GNG2: variants seen among roughly 807,000 people sequenced by gnomAD.
GNG2 encodes the protein guanine nucleotide-binding protein G(I)/G(S)/G(O) subunit gamma-2.
A neutral mutation model predicts 5.5 loss-of-function variants in GNG2; 5 were observed. That is an observed-to-expected ratio of 0.91 (90% CI 0.48 to 1.92). The LOEUF is 1.92. GNG2 is among the 30% of genes most tolerant of loss of function. GNG2 has a pLI of 0.01. For synonymous variants in GNG2, 28 were observed against 32.0 expected (o/e 0.88, Z 0.42); for missense variants, 55 against 88.4 (o/e 0.62, Z 1.52).
At chr14:51,831,108 T>C (rs887809341) in intron 2 of GNG2, among the ~76,000 whole-genome samples, 26 of 152,196 alleles carry the variant, frequency 1.7e-4, no homozygotes, top group African/African-American at 5.1e-4. Context: ...CTCCTCCAGA[T>C]CTCTGCTTTG....
intron 2 of GNG2, among the ~76,000 whole-genome samples, chr14:51,842,637 C>A (rs1178058639): frequency 1.3e-5 from 2 of 151,816 alleles, no homozygotes; most frequent in African/African-American, 2.4e-5. Context: ...TGTGTGTGAC[C>A]CTTTTTCAGA....
intron 3 of GNG2, among the ~76,000 whole-genome samples, chr14:51,961,060 C>G (rs1175506672): frequency 6.6e-6 from 1 of 152,126 alleles, no homozygotes; most frequent in East Asian, 1.9e-4. Flanking sequence ...GTACTCCCTC[C>G]CTGTGCAGTG....
At chr14:51,841,650 A>T (rs776054572) in intron 2 of GNG2, 11 of 665,836 alleles carry the variant, frequency 1.7e-5, no homozygotes, top group Non-Finnish European at 2.7e-5. Flanking sequence ...CAAAACATTA[A>T]GGCACATGAA....
chr14:51,893,046 T>C (rs1292080326), intron 2 of GNG2, among the ~76,000 whole-genome samples: 3 of 152,212 alleles, frequency 2.0e-5, no homozygotes, highest in Non-Finnish European at 4.4e-5. Flanking sequence ...TGTGGAGTGA[T>C]ATTAGTTTTG....
At chr14:51,912,664 C>T (rs541259532) in intron 2 of GNG2, among the ~76,000 whole-genome samples, 18 of 152,284 alleles carry the variant, frequency 1.2e-4, no homozygotes, top group South Asian at 8.3e-4. Flanking sequence ...CTGACATTCT[C>T]GAGAGAGCTA....
Position 51,876,024 on chromosome 14 carries a change from C to T in GNG2, c.-70-1593C>T, listed in dbSNP as rs1469916345. Among the ~76,000 whole-genome samples the T allele has an allele frequency of 2.0e-5, 3 of 150,346 alleles. No individual in the cohort carries two copies. The East Asian group carries it at 5.8e-4, about 29-fold the overall frequency. On this transcript the variant is annotated intron_variant, in intron 1 of 3. Coordinates refer to ENST00000556766, the MANE Select transcript of GNG2 (RefSeq NM_053064.5). ...ATGATTATGGCTCACTATAGCCTCA[C>T]TCTCCTGGGCTCAAGCTATCCTCCC...
At chr14:51,943,014 C>T (rs1888436995) in intron 2 of GNG2, among the ~76,000 whole-genome samples, 1 of 152,010 alleles carries the variant, frequency 6.6e-6, no homozygotes, top group African/African-American at 2.4e-5. Flanking sequence ...ATCGATTTTC[C>T]CCAAGAGAAC....
intron 2 of GNG2, among the ~76,000 whole-genome samples, chr14:51,935,899 GT>G (rs1210077503): frequency 6.6e-6 from 1 of 152,070 alleles, no homozygotes; most frequent in African/African-American, 2.4e-5. Context: ...TGTCCCTTAA[GT>G]TTTTTATTTG....
intron 2 of GNG2, among the ~76,000 whole-genome samples, chr14:51,926,034 CTTTT>C (rs890582109): frequency 2.0e-5 from 3 of 151,648 alleles, no homozygotes; most frequent in Admixed American, 2.0e-4. Context: ...TTCTTTCTTT[CTTTT>C]TTCTTTTTTT....
intron 2 of GNG2, among the ~76,000 whole-genome samples, chr14:51,920,861 C>A (rs1886976516): frequency 6.6e-6 from 1 of 152,138 alleles, no homozygotes. Flanking sequence ...GCCATGGAAA[C>A]ATGGGAGCTG....
At chr14:51,839,960 G>T (rs1881440129) in intron 2 of GNG2, among the ~76,000 whole-genome samples, 1 of 152,156 alleles carries the variant, frequency 6.6e-6, no homozygotes, top group South Asian at 2.1e-4. Context: ...CGAGTTGTAG[G>T]ATGCTCCTGG....
intron 2 of GNG2, among the ~76,000 whole-genome samples, chr14:51,828,248 C>G (rs560312671): frequency 6.6e-6 from 1 of 152,154 alleles, no homozygotes; most frequent in African/African-American, 2.4e-5. Flanking sequence ...TCAAGGTGAA[C>G]AGGAGGTGGC....
At chr14:51,921,260 G>A (rs1196011102) in intron 2 of GNG2, among the ~76,000 whole-genome samples, 4 of 152,130 alleles carry the variant, frequency 2.6e-5, no homozygotes, top group Admixed American at 1.3e-4. Context: ...AGTATGCACC[G>A]CATAGTGTTG....
chr14:51,951,769 C>A, intron 3 of GNG2: 1 of 620,892 alleles, frequency 1.6e-6, no homozygotes, highest in Non-Finnish European at 2.8e-6. Flanking sequence ...TTTATTAGAA[C>A]ACACTCATTT....
chr14:51,831,609 A>C (rs184774158), intron 2 of GNG2, among the ~76,000 whole-genome samples: 7 of 152,338 alleles, frequency 4.6e-5, no homozygotes, highest in Admixed American at 3.3e-4. Context: ...AGGAAGGGAA[A>C]AGCTCATTTC....
chr14:51,929,356 G>T (rs977143776), intron 2 of GNG2, among the ~76,000 whole-genome samples: 6 of 152,172 alleles, frequency 3.9e-5, no homozygotes, highest in African/African-American at 1.4e-4. Context: ...ATATCTGCAT[G>T]ACTCATCTAA....
At chr14:51,870,299 A>G (rs1409529930) in intron 1 of GNG2, among the ~76,000 whole-genome samples, 1 of 152,030 alleles carries the variant, frequency 6.6e-6, no homozygotes, top group East Asian at 1.9e-4. Flanking sequence ...TAGGTAGGCC[A>G]GAGGAAGAAT....
chr14:51,923,728 T>A (rs1887157432), intron 2 of GNG2, among the ~76,000 whole-genome samples: 2 of 152,214 alleles, frequency 1.3e-5, no homozygotes, highest in African/African-American at 4.8e-5. Context: ...TCACTTTATT[T>A]TATTTAAAAC....
rs943509219 is a variant in GNG2, at chr14:51,876,946, G to A, written c.-70-671G>A. On this transcript the variant is annotated intron_variant, in intron 1 of 3. Transcript: ENST00000556766. ...AGCTGAGTGCTCTAAAGCTTTTCAG[G>A]AATAAAGAAGCTCATCTACACAGGA... is the stretch of plus-strand genomic sequence containing the variant. Among the ~76,000 whole-genome samples, 8 of 151,490 alleles carry A rather than the reference G, an allele frequency of 5.3e-5. No individual in the cohort carries two copies. The South Asian group carries it at 8.4e-4, about 16-fold the overall frequency.
Sources: allele counts gnomAD v4.1 joint callset (sites outside exome capture counted in the v4.1 genomes callset), GRCh38; gene constraint gnomAD v4.1.1; transcripts MANE v1.5; gene names NCBI Gene and HGNC (gene_info 2026-07-23, HGNC 2026-07-21).